The following TMEM132B variants were observed in gnomAD, a reference collection of about 807,000 sequenced individuals.
TMEM132B encodes transmembrane protein 132B.
A neutral mutation model predicts 90.8 loss-of-function variants in TMEM132B; 18 were observed. That is an observed-to-expected ratio of 0.20 (90% CI 0.14 to 0.29). The LOEUF (loss-of-function observed/expected upper bound fraction) is 0.29, where lower values mean the gene tolerates loss of function less well. Among genes scored for constraint, TMEM132B ranks in the 10% least tolerant of loss-of-function variants. TMEM132B has a pLI of 1.00. For missense variants in TMEM132B, 1,096 were observed against 1,326.8 expected, an observed-to-expected ratio of 0.83 and a Z score of 2.70; for synonymous variants, 504 against 523.3, an observed-to-expected ratio of 0.96 and a Z score of 0.50.
intron 1 of TMEM132B, among the ~76,000 whole-genome samples, chr12:125,208,373 C>G (rs1336357417): frequency 6.6e-6 from 1 of 152,214 alleles, no homozygotes; most frequent in Non-Finnish European, 1.5e-5. Flanking sequence ...GTTGTGCAGT[C>G]ATCACCTTTA....
At chr12:125,190,126 A>C (rs949536455) in intron 1 of TMEM132B, among the ~76,000 whole-genome samples, 2 of 152,116 alleles carry the variant, frequency 1.3e-5, no homozygotes, top group Non-Finnish European at 2.9e-5. Flanking sequence ...ACTTGGGCAC[A>C]GGGACCGCCT....
chr12:125,315,397 C>T (rs1201936417), intron 1 of TMEM132B, among the ~76,000 whole-genome samples: 1 of 152,160 alleles, frequency 6.6e-6, no homozygotes, highest in Non-Finnish European at 1.5e-5. Context: ...CGGGGTTTCA[C>T]CATGTTGGCC....
At chr12:125,626,933 A>G (rs374106113) in intron 5 of TMEM132B, among the ~76,000 whole-genome samples, 1 of 152,058 alleles carries the variant, frequency 6.6e-6, no homozygotes, top group African/African-American at 2.4e-5. Context: ...TTACATGTAC[A>G]TTAGACCATT....
At chr12:125,638,952 C>T (rs1320206925) in intron 5 of TMEM132B, among the ~76,000 whole-genome samples, 1 of 152,208 alleles carries the variant, frequency 6.6e-6, no homozygotes, top group Admixed American at 6.5e-5. Flanking sequence ...CCACCTCACA[C>T]ATGCTCACAG....
intron 1 of TMEM132B, among the ~76,000 whole-genome samples, chr12:125,237,064 T>C (rs943921395): frequency 1.6e-4 from 25 of 152,346 alleles, no homozygotes; most frequent in Middle Eastern, 3.4e-3. Context: ...AGCTGGGATA[T>C]TGATCCATTG....
chr12:125,355,911 A>T (rs1877753467), intron 2 of TMEM132B, among the ~76,000 whole-genome samples: 2 of 152,162 alleles, frequency 1.3e-5, no homozygotes, highest in Admixed American at 6.5e-5. Context: ...TAATACCAAG[A>T]TAGATTCTGT....
chr12:125,527,857 CATA>C (rs1447960210), intron 4 of TMEM132B, among the ~76,000 whole-genome samples: 1 of 152,194 alleles, frequency 6.6e-6, no homozygotes, highest in African/African-American at 2.4e-5. Flanking sequence ...GTGCTGGATT[CATA>C]ATTTTTTAGT....
At chr12:125,336,074 C>T (rs1043713207) in intron 1 of TMEM132B, among the ~76,000 whole-genome samples, 1 of 152,230 alleles carries the variant, frequency 6.6e-6, no homozygotes, top group African/African-American at 2.4e-5. Flanking sequence ...GTTGTGTAAG[C>T]ATCGGCACGG....
chr12:125,224,751 T>A (rs1377216107), intron 1 of TMEM132B, among the ~76,000 whole-genome samples: 1 of 152,248 alleles, frequency 6.6e-6, no homozygotes, highest in Non-Finnish European at 1.5e-5. Context: ...TTCCTCTCCC[T>A]TCCCTGGCCT....
intron 5 of TMEM132B, among the ~76,000 whole-genome samples, chr12:125,597,306 G>T (rs1885461891): frequency 6.6e-6 from 1 of 152,162 alleles, no homozygotes; most frequent in Non-Finnish European, 1.5e-5. Context: ...GGCATCTGAA[G>T]GCTGGTTTTC....
intron 5 of TMEM132B, among the ~76,000 whole-genome samples, chr12:125,610,499 T>C (rs781176492): frequency 6.6e-6 from 1 of 152,100 alleles, no homozygotes; most frequent in Non-Finnish European, 1.5e-5. Context: ...GTCCATTGAG[T>C]TGATCATGTG....
chr12:125,211,805 C>T (rs1388296713), intron 1 of TMEM132B, among the ~76,000 whole-genome samples: 1 of 152,202 alleles, frequency 6.6e-6, no homozygotes, highest in Non-Finnish European at 1.5e-5. Context: ...TTTTCCCATG[C>T]CAGCCACCTC....
intron 1 of TMEM132B, among the ~76,000 whole-genome samples, chr12:125,268,335 T>C (rs78377403): frequency 6.6e-6 from 1 of 152,332 alleles, no homozygotes; most frequent in African/African-American, 2.4e-5. Flanking sequence ...TTCAGAGAGA[T>C]TGTACCTGTG....
intron 1 of TMEM132B, among the ~76,000 whole-genome samples, chr12:125,272,431 C>T (rs1160071446): frequency 6.6e-6 from 1 of 152,174 alleles, no homozygotes; most frequent in Non-Finnish European, 1.5e-5. Context: ...CAAAAACTCC[C>T]TCTTCGGTCC....
chr12:125,645,696 T>C (rs2137033836), intron 6 of TMEM132B, among the ~76,000 whole-genome samples: 1 of 152,334 alleles, frequency 6.6e-6, no homozygotes, highest in African/African-American at 2.4e-5. Flanking sequence ...ATTGAACTTG[T>C]GAATCTCTGT....
At chr12:125,497,922 C>T (rs932392945) in intron 3 of TMEM132B, among the ~76,000 whole-genome samples, 3 of 152,116 alleles carry the variant, frequency 2.0e-5, no homozygotes, top group East Asian at 1.9e-4. Flanking sequence ...ACAGGAGACC[C>T]GTTTACATCT....
At position 125,188,863 on chromosome 12, in the gene TMEM132B, A is replaced by AAG. The variant is rs1555230819; in HGVS notation, c.67+1998_67+1999insGA. Among the ~76,000 whole-genome samples the AAG allele has an allele frequency of 9.8e-3, 966 of 98,504 alleles. 17 individuals are homozygous for AAG. The highest frequency in any genetic ancestry group is 0.088 in the East Asian group (152 of 1,734). The allele number at this position is 98,504 out of a possible 152,430, so 64.6% of individuals were successfully genotyped here. ...GTTAGGAGGGATGGCAAAAAAAAAA[A>AAG]AAAAAAAAAAGAAAAAAAGAAATTC... On this transcript the variant is annotated intron_variant, in intron 1 of 8. Transcript: ENST00000682704.
chr12:125,340,460 A>T (rs1268237061), intron 1 of TMEM132B, among the ~76,000 whole-genome samples: 1 of 152,112 alleles, frequency 6.6e-6, no homozygotes, highest in Non-Finnish European at 1.5e-5. Context: ...ATGCACAGAA[A>T]GCAAGCAGAA....
chr12:125,430,709 T>C (rs921082726), intron 3 of TMEM132B, among the ~76,000 whole-genome samples: 102 of 152,128 alleles, frequency 6.7e-4, no homozygotes, highest in Non-Finnish European at 2.1e-4. Flanking sequence ...CTGAGTCCTG[T>C]TTTGGGTTCT....
Sources: allele counts gnomAD v4.1 joint callset (sites outside exome capture counted in the v4.1 genomes callset), GRCh38; gene constraint gnomAD v4.1.1; transcripts MANE v1.5; gene names NCBI Gene and HGNC (gene_info 2026-07-23, HGNC 2026-07-21).